The following SAFB variants were observed in gnomAD, a reference collection of about 807,000 sequenced individuals.
SAFB encodes the protein scaffold attachment factor B.
A neutral mutation model predicts 101.6 loss-of-function variants in SAFB; 15 were observed. The observed-to-expected ratio is 0.15, with a 90% CI of 0.10 to 0.23. The LOEUF is 0.23. SAFB is among the 10% of genes least tolerant of loss of function. The pLI, the probability that SAFB is intolerant of heterozygous loss-of-function variation, is 1.00. For synonymous variants in SAFB, 449 were observed against 407.5 expected, an observed-to-expected ratio of 1.10 and a Z score of -1.23; for missense variants, 930 against 1,104.1, an observed-to-expected ratio of 0.84 and a Z score of 2.23.
intron 4 of SAFB, among the ~76,000 whole-genome samples, chr19:5,642,648 T>C (rs2053743476): frequency 8.3e-6 from 1 of 120,564 alleles, no homozygotes; most frequent in Non-Finnish European, 1.7e-5. Flanking sequence ...ATGCCCTTCC[T>C]TTCTTTTTTT....
chr19:5,661,823 G>A lies in SAFB; in HGVS notation c.2153+15G>A. The A allele has an allele frequency of 1.3e-6, 2 of 1,510,974 alleles. No homozygotes were observed. The highest frequency in any genetic ancestry group is 1.8e-6 in the Non-Finnish European group (2 of 1,123,892). The allele number at this position is 1,510,974 out of a possible 1,614,324, so 93.6% of individuals were successfully genotyped here. A position where few individuals can be genotyped will look rare whatever the true frequency, so the allele number is the denominator to read the frequency against. Reference sequence around the variant, plus strand: ...GACCTGGACCGGTAAGCAGATCCATGCTGCCCTTAGCACGTGGCGTTCAGA... The same window carrying A: ...GACCTGGACCGGTAAGCAGATCCATACTGCCCTTAGCACGTGGCGTTCAGA... On this transcript the variant is annotated intron_variant, in intron 15 of 20. Coordinates refer to ENST00000588852, the MANE Select transcript of SAFB (RefSeq NM_001201338.2).
chr19:5,659,031 G>A (rs2054133187), intron 14 of SAFB, among the ~76,000 whole-genome samples: 1 of 151,782 alleles, frequency 6.6e-6, no homozygotes, highest in Non-Finnish European at 1.5e-5. Flanking sequence ...TGTAATCCCA[G>A]CTACTTGGGC....
chr19:5,641,526 T>C, intron 2 of SAFB, 68 bp from the exon 3 acceptor site: 2 of 1,289,150 alleles, frequency 1.6e-6, no homozygotes, highest in Non-Finnish European at 2.2e-6. Flanking sequence ...TGTGTAGTGC[T>C]CAGGGCATTG....
intron 14 of SAFB, among the ~76,000 whole-genome samples, chr19:5,658,639 C>G (rs1049084927): frequency 2.0e-5 from 3 of 149,650 alleles, no homozygotes; most frequent in Non-Finnish European, 3.0e-5. Context: ...GTCAGGAGAT[C>G]GAGACCATCC....
intron 4 of SAFB, chr19:5,642,197 C>A (rs552549299): frequency 2.2e-5 from 12 of 538,578 alleles, no homozygotes; most frequent in African/African-American, 3.8e-5. Flanking sequence ...CATTCAGACT[C>A]TTCCTGTTGC....
intron 17 of SAFB, chr19:5,666,102 C>T (rs1286900838): frequency 6.6e-6 from 1 of 152,196 alleles, no homozygotes; most frequent in Non-Finnish European, 1.5e-5. Flanking sequence ...TTTCTAGTTT[C>T]CTTTCACCTA....
At chr19:5,641,476 T>G in intron 2 of SAFB, 118 bp from the exon 3 acceptor site, 1 of 797,780 alleles carries the variant, frequency 1.3e-6, no homozygotes, top group Non-Finnish European at 2.1e-6. Context: ...GAAGTGTTCC[T>G]AAGTAGTGAG....
rs1313934120 is a variant in SAFB, at chr19:5,668,101, G to T, written c.2625-61G>T. ...GGCAACACTCAGGGAAGCTGTGCAG[G>T]CTGGGATGGGCCGGGGAGCAGGAGG... On this transcript the variant is annotated intron_variant, in intron 20 of 20. Transcript: ENST00000588852. 1.5e-5 allele frequency: 23 copies of T among 1,582,602 alleles called. No individual in the cohort carries two copies. The East Asian group carries it at 5.0e-4, about 34-fold the overall frequency.
At chr19:5,661,281 G>C (rs201636431) in intron 14 of SAFB, among the ~76,000 whole-genome samples, 5 of 152,246 alleles carry the variant, frequency 3.3e-5, no homozygotes, top group African/African-American at 9.6e-5. Context: ...GGAAATGTTG[G>C]AGAAAGGAGG....
intron 2 of SAFB, among the ~76,000 whole-genome samples, chr19:5,635,165 C>T (rs1397796352): frequency 6.6e-6 from 1 of 152,034 alleles, no homozygotes; most frequent in Non-Finnish European, 1.5e-5. Context: ...TACACAGTTC[C>T]TGTTCTCCTA....
At chr19:5,639,710 A>G (rs1447195864) in intron 2 of SAFB, among the ~76,000 whole-genome samples, 4 of 151,698 alleles carry the variant, frequency 2.6e-5, no homozygotes, top group African/African-American at 9.7e-5. Flanking sequence ...AAAAAAAAGA[A>G]CAGTGAAGTG....
rs3760766 is a variant in SAFB, at chr19:5,624,244, G to A, written c.189+850G>A. On this transcript the variant is annotated intron_variant, in intron 1 of 20. Coordinates refer to ENST00000588852, the MANE Select transcript of SAFB (RefSeq NM_001201338.2). ...TATTCTTTTTTTTTTTTTTTCTCCTGTAAGAAGCAAAAAAGCAATAGGACT... is the reference window on the plus strand; with the variant it reads ...TATTCTTTTTTTTTTTTTTTCTCCTATAAGAAGCAAAAAAGCAATAGGACT... Among the ~76,000 whole-genome samples, 260 of 144,148 alleles carry A rather than the reference G, an allele frequency of 1.8e-3. 3 individuals are homozygous for A. The East Asian group carries it at 0.036, about 20-fold the overall frequency. 94.6% of individuals were successfully genotyped at this position (144,148 alleles called of 152,430 possible).
chr19:5,638,714 C>CTTTTTTT (rs758543978), intron 2 of SAFB, among the ~76,000 whole-genome samples: 1 of 116,358 alleles, frequency 8.6e-6, no homozygotes, highest in African/African-American at 3.3e-5. Context: ...TAATCTTAGT[C>CTTTTTTT]TTTTTTTTTT....
chr19:5,658,302 C>T (rs944956817), intron 14 of SAFB, among the ~76,000 whole-genome samples: 2 of 152,224 alleles, frequency 1.3e-5, no homozygotes, highest in African/African-American at 4.8e-5. Context: ...CAAGGACTGA[C>T]AGGGCCTCAT....
intron 15 of SAFB, 35 bp from the exon 16 acceptor site, chr19:5,663,987 G>A (rs2054273309): frequency 6.2e-7 from 1 of 1,604,778 alleles, no homozygotes; most frequent in Non-Finnish European, 8.5e-7. Context: ...TTGGGGTGGG[G>A]GATCCCTCTA....
At chr19:5,660,549 GTATATC>G (rs2054174394) in intron 14 of SAFB, among the ~76,000 whole-genome samples, 1 of 151,250 alleles carries the variant, frequency 6.6e-6, no homozygotes, top group East Asian at 1.9e-4. Context: ...TGTCCAGGCT[GTATATC>G]TATAACTGTG....
At chr19:5,633,379 T>C (rs1257854166) in intron 2 of SAFB, among the ~76,000 whole-genome samples, 3 of 152,234 alleles carry the variant, frequency 2.0e-5, no homozygotes, top group African/African-American at 7.2e-5. Flanking sequence ...TTTTACCTTC[T>C]GGAATGGCAG....
intron 11 of SAFB, 142 bp from the exon 12 acceptor site, chr19:5,653,919 T>G (rs1180214493): frequency 3.0e-6 from 2 of 669,362 alleles, no homozygotes; most frequent in South Asian, 1.9e-5. Context: ...ATTTGTGGTT[T>G]TAGTAGAGAT....
At chr19:5,623,471 G>A in intron 1 of SAFB, 77 bp downstream of exon 1, 1 of 1,315,906 alleles carries the variant, frequency 7.6e-7, no homozygotes, top group Admixed American at 2.7e-5. Flanking sequence ...CGCGGGCCCT[G>A]GCGTCCGCCC....
Sources: allele counts gnomAD v4.1 joint callset (sites outside exome capture counted in the v4.1 genomes callset), GRCh38; gene constraint gnomAD v4.1.1; transcripts MANE v1.5; gene names NCBI Gene and HGNC (gene_info 2026-07-23, HGNC 2026-07-21).